Variants in FAM169A observed in about 807,000 individuals in gnomAD.
The protein encoded by FAM169A is family with sequence similarity 169 member A, also known as soluble lamin-associated protein of 75 kDa.
Under a neutral mutation model 75.7 loss-of-function variants are expected in FAM169A, and 24 were observed. The ratio of observed to expected loss-of-function variants is 0.32; its 90% CI spans 0.23 to 0.45. The LOEUF (loss-of-function observed/expected upper bound fraction) is 0.45, where lower values mean the gene tolerates loss of function less well. Among genes scored for constraint, FAM169A ranks in the 20% least tolerant of loss-of-function variants. FAM169A has a pLI of 1.00. For synonymous variants in FAM169A, 271 were observed against 271.0 expected (o/e 1.00, Z 0.00); for missense variants, 673 against 784.0 (o/e 0.86, Z 1.69).
At chr5:74,808,458 T>G (rs995802090) in intron 6 of FAM169A, among the ~76,000 whole-genome samples, 2 of 152,118 alleles carry the variant, frequency 1.3e-5, no homozygotes, top group African/African-American at 4.8e-5. Context: ...AGAAAACAGG[T>G]TACCTACCAG....
At chr5:74,864,333 T>A (rs1750196696) in intron 1 of FAM169A, among the ~76,000 whole-genome samples, 3 of 152,194 alleles carry the variant, frequency 2.0e-5, no homozygotes, top group Admixed American at 2.0e-4. Context: ...TGGGTTCAAG[T>A]GATTCTTGTG....
chr5:74,827,571 ACAAAT>A (rs1748100335), intron 5 of FAM169A, among the ~76,000 whole-genome samples: 1 of 152,118 alleles, frequency 6.6e-6, no homozygotes, highest in African/African-American at 2.4e-5. Flanking sequence ...TTAGTATACA[ACAAAT>A]CAAAACACAT....
At chr5:74,800,105 G>GGAGC (rs1467762137) in intron 10 of FAM169A, 1 of 603,634 alleles carries the variant, frequency 1.7e-6, no homozygotes, top group Non-Finnish European at 3.1e-6. Flanking sequence ...GCCATCCAGC[G>GGAGC]TGACAAACTA....
At chr5:74,793,827 C>T (rs1746107316) in intron 11 of FAM169A, among the ~76,000 whole-genome samples, 1 of 151,630 alleles carries the variant, frequency 6.6e-6, no homozygotes, top group Non-Finnish European at 1.5e-5. Context: ...CATAGTGAAA[C>T]CCCGTCTCTA....
At chr5:74,807,764 C>T (rs986418022) in intron 6 of FAM169A, among the ~76,000 whole-genome samples, 2 of 152,070 alleles carry the variant, frequency 1.3e-5, no homozygotes, top group Admixed American at 1.3e-4. Context: ...TTTAAAAATG[C>T]TCAGTAAAAA....
intron 1 of FAM169A, among the ~76,000 whole-genome samples, chr5:74,860,630 C>G (rs1749982661): frequency 6.6e-6 from 1 of 151,914 alleles, no homozygotes; most frequent in Non-Finnish European, 1.5e-5. Context: ...GATTTGGGAG[C>G]TACCAGTGTA....
chr5:74,782,127 A>C (rs1409977815), intron 12 of FAM169A, 119 bp from the exon 13 acceptor site: 2 of 755,568 alleles, frequency 2.6e-6, no homozygotes, highest in African/African-American at 1.8e-5. Context: ...ATTACTCAAA[A>C]TCGAGTATTT....
chr5:74,837,724 GCTGGAACC>G (rs1321618622), intron 4 of FAM169A, among the ~76,000 whole-genome samples: 2 of 152,106 alleles, frequency 1.3e-5, no homozygotes, highest in Non-Finnish European at 2.9e-5. Flanking sequence ...ATGAACAGTA[GCTGGAACC>G]CTGCGAATCT....
At chr5:74,856,781 T>A (rs1749728527) in intron 1 of FAM169A, among the ~76,000 whole-genome samples, 1 of 150,032 alleles carries the variant, frequency 6.7e-6, no homozygotes, top group African/African-American at 2.5e-5. Flanking sequence ...GTATCTGCAG[T>A]GTTTTATTCC....
At chr5:74,813,434 C>A (rs1423588048) in intron 6 of FAM169A, among the ~76,000 whole-genome samples, 2 of 152,004 alleles carry the variant, frequency 1.3e-5, no homozygotes, top group African/African-American at 2.4e-5. Flanking sequence ...TCAAGCAATT[C>A]TCCTGCCTCA....
intron 4 of FAM169A, among the ~76,000 whole-genome samples, chr5:74,836,687 C>A (rs1379430486): frequency 1.3e-5 from 2 of 152,200 alleles, no homozygotes; most frequent in African/African-American, 4.8e-5. Flanking sequence ...GTGGCTCACA[C>A]CTGTAATCCC....
chr5:74,794,002 CAAAAAA>C (rs1276485325), intron 11 of FAM169A, among the ~76,000 whole-genome samples: 2 of 50,736 alleles, frequency 3.9e-5, no homozygotes, highest in African/African-American at 7.0e-5. Flanking sequence ...GACTCCATCT[CAAAAAA>C]AAAAAAAAAA....
chr5:74,857,572 G>GAAAAA (rs35476827), intron 1 of FAM169A, among the ~76,000 whole-genome samples: 21 of 56,306 alleles, frequency 3.7e-4, no homozygotes, highest in South Asian at 2.4e-3. Flanking sequence ...CTTGCCGCGG[G>GAAAAA]AAAAAAAAAA....
Position 74,829,975 on chromosome 5 carries a change from C to CA in FAM169A, c.490+4450dup, listed in dbSNP as rs201093378. Among the ~76,000 whole-genome samples the CA allele has an allele frequency of 2.2e-3, 327 of 149,512 alleles. 1 individual carries two copies. Among genetic ancestry groups the CA allele is most frequent in the African/African-American group, 7.5e-3 (305 of 40,726 alleles). ...CTGGTGACAGAGTGAGACTCCATCT[C>CA]AAAAAAAAAGAAATATGGGGAATAA... On this transcript the variant is annotated intron_variant, in intron 5 of 12. Coordinates refer to ENST00000687041, the MANE Select transcript of FAM169A (RefSeq NM_001376049.1).
rs1459677894 is a variant in FAM169A, at chr5:74,780,829, A to G, written c.*631T>C. Reference sequence around the variant, plus strand: ...ATAGAATGAATCAGAAACAGATTTTATGTGTACCTTTCCATAGATAGTGAA... The same window carrying G: ...ATAGAATGAATCAGAAACAGATTTTGTGTGTACCTTTCCATAGATAGTGAA... On this transcript the variant is annotated 3_prime_UTR_variant, in exon 13 of 13. Coordinates refer to ENST00000687041, the MANE Select transcript of FAM169A (RefSeq NM_001376049.1). 6.6e-6 allele frequency: 1 copy of G among 152,246 alleles called. No individual in the cohort carries two copies. The highest frequency in any genetic ancestry group is 1.9e-4 in the East Asian group (1 of 5,204). 9.4% of individuals were successfully genotyped at this position (152,246 alleles called of 1,614,324 possible).
intron 11 of FAM169A, among the ~76,000 whole-genome samples, chr5:74,790,479 A>C (rs1440346129): frequency 6.6e-6 from 1 of 152,190 alleles, no homozygotes; most frequent in Non-Finnish European, 1.5e-5. Flanking sequence ...ACTGGTGACA[A>C]ATTTGGGGAA....
intron 4 of FAM169A, among the ~76,000 whole-genome samples, chr5:74,837,355 C>T (rs1377478014): frequency 6.6e-6 from 1 of 152,134 alleles, no homozygotes. Context: ...AGTTTCATAT[C>T]AGACTGGCAG....
intron 5 of FAM169A, among the ~76,000 whole-genome samples, chr5:74,817,638 T>C (rs1265819426): frequency 2.0e-5 from 3 of 152,090 alleles, no homozygotes; most frequent in African/African-American, 7.2e-5. Flanking sequence ...TCCTAGCGAA[T>C]TGTTTTGCAA....
rs780255559 is a variant in FAM169A at position 74,801,628 on chromosome 5, A to G, written c.914T>C (p.Ile305Thr). 100 of 1,608,584 alleles carry G rather than the reference A, an allele frequency of 6.2e-5. No homozygotes were observed. Among genetic ancestry groups the G allele is most frequent in the Admixed American group, 2.9e-4 (17 of 59,186 alleles). The change falls in exon 9 of 13, where the codon ATT (isoleucine) becomes ACT (threonine). Residue 305 changes from isoleucine to threonine, a missense_variant and splice_region_variant. This residue lies in a region of FAM169A where 510 missense variants were observed against 550.9 expected (regional missense o/e 0.93). Transcript: ENST00000687041. ...TGCAAAGGCATCTTTTAGAGAATCAATCTAAAAAAGAGAGAGATTCAAACC... is the reference window on the plus strand; with the variant it reads ...TGCAAAGGCATCTTTTAGAGAATCAGTCTAAAAAAGAGAGAGATTCAAACC... Reference protein sequence around the residue: ...DNQSSEMQLTIDSLKDAFAST... With the variant: ...DNQSSEMQLTTDSLKDAFAST...
Sources: allele counts gnomAD v4.1 joint callset (sites outside exome capture counted in the v4.1 genomes callset), GRCh38; gene constraint gnomAD v4.1.1; regional missense constraint gnomAD v4.1.1; transcripts MANE v1.5; gene names NCBI Gene and HGNC (gene_info 2026-07-23, HGNC 2026-07-21).